Variants in BPIFC observed in about 807,000 individuals in gnomAD.
BPIFC encodes BPI fold-containing family C protein.
Under a neutral mutation model 57.6 loss-of-function variants are expected in BPIFC, and 60 were observed. The ratio of observed to expected loss-of-function variants is 1.04; its 90% CI spans 0.85 to 1.29. The LOEUF (loss-of-function observed/expected upper bound fraction) is 1.29, where lower values mean the gene tolerates loss of function less well. Ranked by LOEUF, BPIFC falls within the 50% of genes most tolerant of loss-of-function variation. BPIFC has a pLI of 0.00. For synonymous variants in BPIFC, 243 were observed against 224.5 expected, an observed-to-expected ratio of 1.08 and a Z score of -0.74; for missense variants, 581 against 600.5, an observed-to-expected ratio of 0.97 and a Z score of 0.34.
In BPIFC at chr22:32,420,083, C is replaced by T. The variant is rs189000640; in HGVS notation, c.1218-679G>A. 6.1e-3 allele frequency among the ~76,000 whole-genome samples: 929 copies of T among 151,978 alleles called. 48 individuals are homozygous for T. Among genetic ancestry groups the T allele is most frequent in the Admixed American group, 0.056 (850 of 15,240 alleles). Reference sequence around the variant, plus strand: ...CTGTAATCCCAGCACTTTGGGAGGCCGAGGCGGGCGGATCATGAGGTCAGG... The same window carrying T: ...CTGTAATCCCAGCACTTTGGGAGGCTGAGGCGGGCGGATCATGAGGTCAGG... On this transcript the variant is annotated intron_variant, in intron 13 of 16. Transcript: ENST00000300399.
At chr22:32,438,382 G>GTTTTGTT (rs917506288) in intron 8 of BPIFC, among the ~76,000 whole-genome samples, 1 of 152,140 alleles carries the variant, frequency 6.6e-6, no homozygotes, top group Admixed American at 6.5e-5. Context: ...TGCATGTATA[G>GTTTTGTT]TTTTGTTTTT....
At chr22:32,417,914 G>T (rs1933731771) in intron 14 of BPIFC, among the ~76,000 whole-genome samples, 1 of 151,816 alleles carries the variant, frequency 6.6e-6, no homozygotes, top group Non-Finnish European at 1.5e-5. Flanking sequence ...CTGTCGCCCA[G>T]GCTGGAGTGC....
At chr22:32,454,440 CT>C (rs2145963879) in intron 3 of BPIFC, among the ~76,000 whole-genome samples, 2 of 152,240 alleles carry the variant, frequency 1.3e-5, no homozygotes, top group African/African-American at 4.8e-5. Context: ...ATAACGACTG[CT>C]TTTGTTTCAT....
chr22:32,432,253 T>C, intron 12 of BPIFC, 120 bp downstream of exon 12: 1 of 1,088,322 alleles, frequency 9.2e-7, no homozygotes, highest in Non-Finnish European at 1.3e-6. Context: ...GCCTCCATCC[T>C]CACTCTTAAT....
At chr22:32,441,796 AG>A (rs2145943934) in intron 8 of BPIFC, among the ~76,000 whole-genome samples, 1 of 152,326 alleles carries the variant, frequency 6.6e-6, no homozygotes, top group African/African-American at 2.4e-5. Flanking sequence ...TTTTAGCACC[AG>A]GGACCAGTTT....
chr22:32,430,654 T>C (rs1934214414), intron 13 of BPIFC, among the ~76,000 whole-genome samples: 1 of 150,834 alleles, frequency 6.6e-6, no homozygotes, highest in Non-Finnish European at 1.5e-5. Context: ...GATATATTTT[T>C]TTGAGAGACA....
rs758284195 is a variant in BPIFC at position 32,433,718 on chromosome 22, C to T, written c.978+1G>A. On this transcript the variant is annotated splice_donor_variant, in intron 11 of 16. Transcript: ENST00000300399. LOFTEE classifies it high-confidence loss of function. ...TCAAGACTCAAACCCTGAGCACTTA[C>T]CCGGGAGAGCACGTTGCCAAGGCCT... The T allele has an allele frequency of 6.2e-7, 1 of 1,613,624 alleles. No homozygotes were observed. The highest frequency in any genetic ancestry group is 2.2e-5 in the East Asian group (1 of 44,872).
rs1258697243 is a variant in BPIFC, at chr22:32,432,539, G to T, written c.983C>A (p.Ala328Glu). 3 of 1,613,612 alleles carry T rather than the reference G, an allele frequency of 1.9e-6. No homozygotes were observed. In the South Asian group the frequency reaches 3.3e-5, roughly 18 times the overall value. The change falls in exon 12 of 17, where the codon GCA becomes GAA. Residue 328 changes from alanine to glutamate, a missense_variant. Coordinates refer to ENST00000300399, the MANE Select transcript of BPIFC (RefSeq NM_174932.3). ...QGLGNVLSRI[A>E]EIYILSQPFM... The stretch of plus-strand genomic sequence containing the variant: ...GGGCTGGGACAAGATGTAGATCTCT[G>T]CAATCTGCCCACATTCCGAGAAAGA...
rs774246595 is a variant in BPIFC at position 32,417,185 on chromosome 22, C to T, written c.1261-37G>A. The T allele has an allele frequency of 1.6e-5, 18 of 1,091,670 alleles. 1 individual carries two copies. Among genetic ancestry groups the T allele is most frequent in the Middle Eastern group, 2.3e-4 (1 of 4,356 alleles). 67.6% of individuals were successfully genotyped at this position (1,091,670 alleles called of 1,614,324 possible). A position where few individuals can be genotyped will look rare whatever the true frequency, so the allele number is the denominator to read the frequency against. On this transcript the variant is annotated intron_variant, in intron 14 of 16. Transcript: ENST00000300399. ...GAGGAAATAGAATCAATTGGCAGAT[C>T]GGGCTTTTTTTTTTTTTTTTTGCTT...
intron 2 of BPIFC, among the ~76,000 whole-genome samples, chr22:32,459,165 C>T (rs1935105742): frequency 6.6e-6 from 1 of 152,208 alleles, no homozygotes; most frequent in East Asian, 1.9e-4. Context: ...GCAGGTACCA[C>T]TGCGCTAACA....
Position 32,424,668 on chromosome 22 carries a change from CT to C in BPIFC, c.1218-5265del, listed in dbSNP as rs373168320. On this transcript the variant is annotated intron_variant, in intron 13 of 16. Transcript: ENST00000300399. ...TCTTCTTCTTCTTCTTCTTCTTCTT[CT>C]TCTTCTTCTTCTTCTTCTTCTTCCT... is the stretch of plus-strand genomic sequence containing the variant. Among the ~76,000 whole-genome samples the C allele has an allele frequency of 4.8e-4, 32 of 66,354 alleles. 2 individuals are homozygous for C. Among genetic ancestry groups the C allele is most frequent in the East Asian group, 3.9e-3 (6 of 1,542 alleles). The allele number at this position is 66,354 out of a possible 152,430, so 43.5% of individuals were successfully genotyped here.
intron 4 of BPIFC, among the ~76,000 whole-genome samples, chr22:32,448,866 A>AG (rs11443190): frequency 0.47 from 70,385 of 151,280 alleles, 16,731 homozygotes; most frequent in Non-Finnish European, 0.51. Flanking sequence ...TGAACCCAGG[A>AG]GTGGAGGCTG....
chr22:32,456,784 T>C (rs1320366308), intron 3 of BPIFC, among the ~76,000 whole-genome samples: 1 of 152,214 alleles, frequency 6.6e-6, no homozygotes, highest in Non-Finnish European at 1.5e-5. Context: ...GAGTGGCTTT[T>C]AACCTTTCAG....
intron 1 of BPIFC, among the ~76,000 whole-genome samples, chr22:32,462,280 C>G (rs532068659): frequency 6.6e-6 from 1 of 150,488 alleles, no homozygotes; most frequent in East Asian, 2.0e-4. Flanking sequence ...AATGTCTGTA[C>G]CTATTAGACT....
At chr22:32,417,244 T>C (rs887544783) in intron 14 of BPIFC, 96 bp from the exon 15 acceptor site, 1 of 871,132 alleles carries the variant, frequency 1.1e-6, no homozygotes, top group South Asian at 1.5e-5. Context: ...AGTGTGATCA[T>C]GGCTCTCTCC....
At chr22:32,440,968 C>T (rs1934550535) in intron 8 of BPIFC, among the ~76,000 whole-genome samples, 1 of 152,198 alleles carries the variant, frequency 6.6e-6, no homozygotes, top group Non-Finnish European at 1.5e-5. Context: ...TAAGTCATGC[C>T]GGCCTTACTC....
intron 13 of BPIFC, among the ~76,000 whole-genome samples, chr22:32,428,849 A>G (rs553627954): frequency 6.6e-6 from 1 of 152,208 alleles, no homozygotes; most frequent in Admixed American, 6.5e-5. Context: ...TAGTGAGCCG[A>G]GATCGCACCC....
At chr22:32,447,069 A>T (rs1482615616) in intron 5 of BPIFC, 143 bp downstream of exon 5, 4 of 1,207,914 alleles carry the variant, frequency 3.3e-6, no homozygotes, top group Non-Finnish European at 4.4e-6. Context: ...TTTAAGCCTC[A>T]CCTGGAAAAA....
chr22:32,432,567 T>TA, intron 11 of BPIFC, 24 bp from the exon 12 acceptor site: 1 of 1,610,316 alleles, frequency 6.2e-7, no homozygotes, highest in South Asian at 1.1e-5. Flanking sequence ...GAGAAAGAAA[T>TA]AAAGATTGTG....
Sources: allele counts gnomAD v4.1 joint callset (sites outside exome capture counted in the v4.1 genomes callset), GRCh38; gene constraint gnomAD v4.1.1; transcripts MANE v1.5; gene names NCBI Gene and HGNC (gene_info 2026-07-23, HGNC 2026-07-21).